Variants in AGAP1 observed in about 807,000 individuals in gnomAD.
The protein encoded by AGAP1 is arf-GAP with GTPase, ANK repeat and PH domain-containing protein 1.
Under a neutral mutation model 105.3 loss-of-function variants are expected in AGAP1, and 29 were observed. The observed-to-expected ratio is 0.28, with a 90% CI of 0.21 to 0.38. The LOEUF is 0.38. Ranked by LOEUF, AGAP1 falls within the 10% of genes least tolerant of loss-of-function variation. The probability of loss-of-function intolerance (pLI) is 1.00; values close to 1 mark genes in which losing one functional copy is unlikely to be tolerated. For synonymous variants in AGAP1, 509 were observed against 485.9 expected, an observed-to-expected ratio of 1.05 and a Z score of -0.63; for missense variants, 998 against 1,165.1, an observed-to-expected ratio of 0.86 and a Z score of 2.09.
At chr2:235,646,073 G>A (rs950887499) in intron 1 of AGAP1, among the ~76,000 whole-genome samples, 3 of 151,998 alleles carry the variant, frequency 2.0e-5, no homozygotes, top group African/African-American at 7.2e-5. Context: ...TCAGAAGTTC[G>A]AGACCAGCCT....
chr2:236,031,635 CT>C (rs1295143087), intron 13 of AGAP1, among the ~76,000 whole-genome samples: 1 of 152,178 alleles, frequency 6.6e-6, no homozygotes, highest in African/African-American at 2.4e-5. Flanking sequence ...ATTCAAGGGC[CT>C]GAAACCCCCA....
At chr2:235,923,371 T>G (rs1198370293) in intron 11 of AGAP1, among the ~76,000 whole-genome samples, 1 of 152,086 alleles carries the variant, frequency 6.6e-6, no homozygotes, top group East Asian at 1.9e-4. Flanking sequence ...ATTTTCTAGG[T>G]TTTTGGATAA....
intron 1 of AGAP1, among the ~76,000 whole-genome samples, chr2:235,672,254 A>G (rs954872200): frequency 6.6e-6 from 1 of 151,144 alleles, no homozygotes; most frequent in Non-Finnish European, 1.5e-5. Flanking sequence ...CAAATAAATG[A>G]CTGTCCTTAT....
At chr2:235,859,541 G>T (rs1354938521) in intron 9 of AGAP1, among the ~76,000 whole-genome samples, 1 of 144,710 alleles carries the variant, frequency 6.9e-6, no homozygotes, top group African/African-American at 2.5e-5. Flanking sequence ...TTTCTGAGCA[G>T]TTTTTTTTTT....
chr2:235,878,755 G>A (rs562229689), intron 9 of AGAP1, among the ~76,000 whole-genome samples: 4 of 152,356 alleles, frequency 2.6e-5, no homozygotes, highest in African/African-American at 9.6e-5. Context: ...GTCCGCTCAT[G>A]TTCCTTGACT....
rs1286567728 is a variant in AGAP1 at position 235,754,387 on chromosome 2, G to T, written c.673+3899G>T. On this transcript the variant is annotated intron_variant, in intron 6 of 17. Transcript: ENST00000304032. The surrounding 1 kb of genome is among the most constrained non-coding windows in gnomAD (Gnocchi z 4.6). ...TATATGGTAGAAAGAAAACATAAAG[G>T]AAAAGCGTGTAATTTCTACATAATG... 1.3e-5 allele frequency among the ~76,000 whole-genome samples: 2 copies of T among 151,134 alleles called. No individual in the cohort carries two copies. The highest frequency in any genetic ancestry group is 4.2e-4 in the South Asian group (2 of 4,774).
chr2:236,092,357 C>T lies in AGAP1; in HGVS notation c.2115-27835C>T, dbSNP rs534014254. On this transcript the variant is annotated intron_variant, in intron 16 of 17. Transcript: ENST00000304032. This position sits in a 1 kb window ranked among gnomAD's most constrained non-coding sequence, Gnocchi z 4.7. ...TTGAGGGGAAACCAGGTAAGGGGTA[C>T]ATGAGATCTCTCTGTATTATTTCTT... 1.1e-4 allele frequency among the ~76,000 whole-genome samples: 17 copies of T among 152,218 alleles called. No individual in the cohort carries two copies. The highest frequency in any genetic ancestry group is 3.6e-4 in the African/African-American group (15 of 41,556).
At position 235,846,611 on chromosome 2, in the gene AGAP1, G is replaced by A. The variant is rs527815417; in HGVS notation, c.1051-36734G>A. Among the ~76,000 whole-genome samples the A allele has an allele frequency of 7.9e-5, 12 of 151,720 alleles. No individual in the cohort carries two copies. In the South Asian group the frequency reaches 8.4e-4, roughly 11 times the overall value. On this transcript the variant is annotated intron_variant, in intron 9 of 17. Transcript: ENST00000304032. The stretch of plus-strand genomic sequence containing the variant: ...CTGTAAAAGTACTAGTATTACAGGC[G>A]TGACCCACTGTGCCCAACCTATTTA...
chr2:235,671,906 C>T (rs1029827308), intron 1 of AGAP1, among the ~76,000 whole-genome samples: 8 of 152,274 alleles, frequency 5.3e-5, no homozygotes, highest in Admixed American at 3.9e-4. Flanking sequence ...CCTCAAAACA[C>T]AGACTCCATC....
intron 3 of AGAP1, among the ~76,000 whole-genome samples, chr2:235,738,780 A>G (rs537449777): frequency 1.3e-5 from 2 of 151,374 alleles, no homozygotes; most frequent in East Asian, 3.9e-4. Flanking sequence ...CTGGTCTTGA[A>G]CTCCTGACCT....
chr2:235,499,503 C>G (rs1941473209), intron 1 of AGAP1, among the ~76,000 whole-genome samples: 1 of 152,190 alleles, frequency 6.6e-6, no homozygotes, highest in Admixed American at 6.5e-5. Flanking sequence ...TTGCAGTCCC[C>G]TCCTTAAAAA....
intron 6 of AGAP1, among the ~76,000 whole-genome samples, chr2:235,780,623 G>T (rs879939996): frequency 1.3e-5 from 2 of 152,210 alleles, no homozygotes; most frequent in Non-Finnish European, 2.9e-5. Flanking sequence ...TAATGAGAAA[G>T]ATAAGAAATT....
rs2058196268 is a variant in AGAP1, at chr2:236,061,589, G to A, written c.2114+12308G>A. 6.6e-6 allele frequency among the ~76,000 whole-genome samples: 1 copy of A among 152,172 alleles called. No individual in the cohort carries two copies. The highest frequency in any genetic ancestry group is 1.5e-5 in the Non-Finnish European group (1 of 68,028). On this transcript the variant is annotated intron_variant, in intron 16 of 17. Transcript: ENST00000304032. The surrounding 1 kb of genome is among the most constrained non-coding windows in gnomAD (Gnocchi z 4.1). ...CTCGAAGACATGATGCTAAAGGAAA[G>A]GAAGCAGGCACAGAAGGCCACACCG...
At chr2:235,852,588 A>AGT (rs769080150) in intron 9 of AGAP1, 22 of 1,176,332 alleles carry the variant, frequency 1.9e-5, no homozygotes, top group Non-Finnish European at 2.3e-5. Flanking sequence ...AGACTGCTGA[A>AGT]GTAAGGGTTA....
At position 235,782,150 on chromosome 2, in the gene AGAP1, G is replaced by T. The variant is rs902344250; in HGVS notation, c.674-15609G>T. 5.9e-5 allele frequency among the ~76,000 whole-genome samples: 9 copies of T among 152,284 alleles called. No homozygotes were observed. The South Asian group carries it at 6.2e-4, about 11-fold the overall frequency. On this transcript the variant is annotated intron_variant, in intron 6 of 17. Transcript: ENST00000304032. ...CCTCACGAGAGGCTACAGGCCAGAC[G>T]CAGGGCACCAAGAGCATGGCATTTG... is the stretch of plus-strand genomic sequence containing the variant.
At chr2:235,892,582 GAA>G (rs11336949) in intron 10 of AGAP1, among the ~76,000 whole-genome samples, 47 of 142,934 alleles carry the variant, frequency 3.3e-4, no homozygotes, top group Middle Eastern at 3.6e-3. Flanking sequence ...AATCATTCAA[GAA>G]AAAAAAAAAA....
rs888032487 is a variant in AGAP1 at position 236,045,719 on chromosome 2, G to A, written c.1892-3340G>A. On this transcript the variant is annotated intron_variant, in intron 15 of 17. Coordinates refer to ENST00000304032, the MANE Select transcript of AGAP1 (RefSeq NM_001037131.3). This position sits in a 1 kb window ranked among gnomAD's most constrained non-coding sequence, Gnocchi z 6.9. ...CAGGCCGAGGTTCTCCACCCAGGCC[G>A]AGACACAGCGAAGTGTCCCAGTTGG... 1.3e-5 allele frequency among the ~76,000 whole-genome samples: 2 copies of A among 152,248 alleles called. No individual in the cohort carries two copies. Among genetic ancestry groups the A allele is most frequent in the African/African-American group, 2.4e-5 (1 of 41,470 alleles).
intron 1 of AGAP1, among the ~76,000 whole-genome samples, chr2:235,630,117 A>C (rs975767096): frequency 2.0e-5 from 3 of 152,186 alleles, no homozygotes; most frequent in Non-Finnish European, 4.4e-5. Flanking sequence ...TTTTGTGCCA[A>C]ATTAAACATA....
intron 16 of AGAP1, among the ~76,000 whole-genome samples, chr2:236,059,669 C>T (rs1247846315): frequency 1.3e-5 from 2 of 152,128 alleles, no homozygotes; most frequent in Non-Finnish European, 2.9e-5. Context: ...GCCCCTTCAT[C>T]GGTGGGCAGT....
Sources: gnomAD v4.1 joint callset for allele counts (sites outside exome capture counted in the v4.1 genomes callset) on GRCh38, gnomAD v4.1.1 for gene constraint, Gnocchi (gnomAD v3.1) non-coding constraint, MANE v1.5 for transcripts, NCBI Gene and HGNC (gene_info 2026-07-23, HGNC 2026-07-21) for gene names.